TRAK1: variants seen among roughly 807,000 people sequenced by gnomAD.
TRAK1 encodes the protein trafficking kinesin-binding protein 1.
In TRAK1, 33 loss-of-function variants were observed where a neutral mutation model predicts 92.1. The observed-to-expected ratio is 0.36, with a 90% CI of 0.27 to 0.48. TRAK1 has a LOEUF of 0.48. TRAK1 is among the 20% of genes least tolerant of loss of function. The pLI, the probability that TRAK1 is intolerant of heterozygous loss-of-function variation, is 0.99. For synonymous variants in TRAK1, 521 were observed against 517.3 expected, an observed-to-expected ratio of 1.01 and a Z score of -0.10; for missense variants, 1,123 against 1,257.9, an observed-to-expected ratio of 0.89 and a Z score of 1.62.
In TRAK1 at chr3:42,209,946, C is replaced by T; in HGVS notation, c.1924C>T (p.Leu642=). The stretch of plus-strand genomic sequence containing the variant: ...AGGTGACCACATTTCTCTCCCACGC[C>T]TAGCTACCTCCACTCCAGTTCAGCA... ...DTGDHISLPR[L]ATSTPVQHPE... The change falls in exon 14 of 16, where the codon CTA becomes TTA. Residue 642 remains leucine, a synonymous_variant. Coordinates refer to ENST00000327628, the MANE Select transcript of TRAK1 (RefSeq NM_001042646.3). 2 of 1,614,190 alleles carry T rather than the reference C, an allele frequency of 1.2e-6. No individual in the cohort carries two copies. The highest frequency in any genetic ancestry group is 1.7e-6 in the Non-Finnish European group (2 of 1,180,034).
chr3:42,141,902 G>A (rs192277212), intron 2 of TRAK1, among the ~76,000 whole-genome samples: 2 of 152,060 alleles, frequency 1.3e-5, no homozygotes, highest in East Asian at 3.9e-4. Context: ...TTGGGAGGCC[G>A]AGGCAAGCAG....
intron 2 of TRAK1, among the ~76,000 whole-genome samples, chr3:42,163,476 G>A (rs1701502368): frequency 6.6e-6 from 1 of 152,106 alleles, no homozygotes; most frequent in African/African-American, 2.4e-5. Flanking sequence ...GGCTGAGGCA[G>A]GGAATTGCTT....
At chr3:42,169,613 G>A (rs1702293743) in intron 2 of TRAK1, among the ~76,000 whole-genome samples, 1 of 151,022 alleles carries the variant, frequency 6.6e-6, no homozygotes, top group South Asian at 2.1e-4. Context: ...AGAGGTTGCA[G>A]TGAGCTGAGA....
chr3:42,160,413 C>G (rs1276859425), intron 2 of TRAK1: 9 of 1,614,082 alleles, frequency 5.6e-6, no homozygotes, highest in Non-Finnish European at 7.6e-6. Flanking sequence ...ATACGACTGC[C>G]AGGATGAAGA....
At chr3:42,057,752 T>TA (rs1355559499) in intron 1 of TRAK1, among the ~76,000 whole-genome samples, 1 of 152,154 alleles carries the variant, frequency 6.6e-6, no homozygotes, top group Non-Finnish European at 1.5e-5. Flanking sequence ...GGGTTGGCTC[T>TA]GTCTCATTTG....
intron 1 of TRAK1, among the ~76,000 whole-genome samples, chr3:42,112,921 C>G (rs1310329201): frequency 6.6e-6 from 1 of 152,018 alleles, no homozygotes; most frequent in East Asian, 1.9e-4. Flanking sequence ...CAGGTGTGTG[C>G]CACCACACTT....
chr3:42,041,423 T>G (rs1702535562), intron 1 of TRAK1, among the ~76,000 whole-genome samples: 1 of 152,216 alleles, frequency 6.6e-6, no homozygotes, highest in African/African-American at 2.4e-5. Flanking sequence ...TGTTTATTGC[T>G]AGTGTATAAA....
intron 3 of TRAK1, among the ~76,000 whole-genome samples, chr3:42,179,034 C>T (rs1462415944): frequency 6.6e-6 from 1 of 152,134 alleles, no homozygotes; most frequent in African/African-American, 2.4e-5. Flanking sequence ...TTATTTGAAT[C>T]TCTCACATTT....
At chr3:42,210,117 G>GA (rs1380005823) in intron 14 of TRAK1, 132 bp downstream of exon 14, 9 of 1,607,238 alleles carry the variant, frequency 5.6e-6, no homozygotes, top group Admixed American at 3.4e-5. Flanking sequence ...GGAGGAGGAG[G>GA]GGTCTGGTGA....
At chr3:42,079,022 C>T (rs184740307) in intron 1 of TRAK1, among the ~76,000 whole-genome samples, 1 of 152,264 alleles carries the variant, frequency 6.6e-6, no homozygotes, top group Non-Finnish European at 1.5e-5. Flanking sequence ...GACCGGCAAC[C>T]TGAATAAGTG....
Position 42,202,023 on chromosome 3 carries a change from AG to A in TRAK1, c.1428-412del, listed in dbSNP as rs1291368424. Among the ~76,000 whole-genome samples, 1 of 152,168 alleles carries A rather than the reference AG, an allele frequency of 6.6e-6. No individual in the cohort carries two copies. The highest frequency in any genetic ancestry group is 2.4e-5 in the African/African-American group (1 of 41,432). On this transcript the variant is annotated intron_variant, in intron 12 of 15. Coordinates refer to ENST00000327628, the MANE Select transcript of TRAK1 (RefSeq NM_001042646.3). This position sits in a 1 kb window ranked among gnomAD's most constrained non-coding sequence, Gnocchi z 6.1. The stretch of plus-strand genomic sequence containing the variant: ...CAGACAGACAGGAAGCTCCTTGATC[AG>A]AGCAGGTTTTGTTCAGAGTTGGGGT...
chr3:42,134,380 T>C (rs1697653727), intron 2 of TRAK1, among the ~76,000 whole-genome samples: 1 of 150,504 alleles, frequency 6.6e-6, no homozygotes, highest in Non-Finnish European at 1.5e-5. Context: ...TGGCCTCAAG[T>C]GATCCTTCTG....
At chr3:42,019,463 G>C (rs1701653741) in intron 1 of TRAK1, among the ~76,000 whole-genome samples, 1 of 152,074 alleles carries the variant, frequency 6.6e-6, no homozygotes, top group African/African-American at 2.4e-5. Context: ...TTTTTGTAGA[G>C]GTGAGGTCTT....
At chr3:42,204,596 A>G (rs1435657610) in intron 13 of TRAK1, among the ~76,000 whole-genome samples, 1 of 152,088 alleles carries the variant, frequency 6.6e-6, no homozygotes, top group African/African-American at 2.4e-5. Flanking sequence ...TTATGTATTT[A>G]GTTTTTGAAA....
At chr3:42,222,223 G>C (rs1217371080) in intron 15 of TRAK1, among the ~76,000 whole-genome samples, 1 of 152,112 alleles carries the variant, frequency 6.6e-6, no homozygotes, top group Non-Finnish European at 1.5e-5. Context: ...CTTTCCCTGG[G>C]TAGCACCGTT....
At chr3:42,128,012 C>T (rs1205975190) in intron 2 of TRAK1, among the ~76,000 whole-genome samples, 1 of 152,124 alleles carries the variant, frequency 6.6e-6, no homozygotes, top group East Asian at 1.9e-4. Context: ...AACCCCATCT[C>T]TACTAAAAAT....
intron 1 of TRAK1, among the ~76,000 whole-genome samples, chr3:42,044,425 G>A (rs183627816): frequency 4.3e-4 from 65 of 152,358 alleles, no homozygotes; most frequent in African/African-American, 1.5e-3. Context: ...GTCTCCCAAA[G>A]TGCTGGGAAT....
At chr3:42,108,600 G>A (rs953328004) in intron 1 of TRAK1, among the ~76,000 whole-genome samples, 45 of 151,924 alleles carry the variant, frequency 3.0e-4, no homozygotes, top group African/African-American at 1.1e-3. Flanking sequence ...ATAGCATGAT[G>A]GGTAAATGAT....
chr3:42,093,642 T>TTTCTC (rs199745864), intron 1 of TRAK1, among the ~76,000 whole-genome samples: 950 of 93,058 alleles, frequency 0.01, 43 homozygotes, highest in African/African-American at 0.038. Context: ...TCTCTTCTCT[T>TTTCTC]TTTTCTCCCC....
Sources: allele counts gnomAD v4.1 joint callset (sites outside exome capture counted in the v4.1 genomes callset), GRCh38; gene constraint gnomAD v4.1.1; non-coding constraint Gnocchi (gnomAD v3.1); transcripts MANE v1.5; gene names NCBI Gene and HGNC (gene_info 2026-07-23, HGNC 2026-07-21).